The following ADAM10 variants were observed in gnomAD, a reference collection of about 807,000 sequenced individuals.
ADAM10 encodes the protein disintegrin and metalloproteinase domain-containing protein 10.
A neutral mutation model predicts 90.1 loss-of-function variants in ADAM10; 17 were observed. That is an observed-to-expected ratio of 0.19 (90% confidence interval 0.13 to 0.28). ADAM10 has a LOEUF of 0.28. ADAM10 is among the 10% of genes least tolerant of loss of function. ADAM10 has a pLI of 1.00. For missense variants in ADAM10, 610 were observed against 914.3 expected (o/e 0.67, Z 4.29); for synonymous variants, 310 against 298.6 (o/e 1.04, Z -0.40).
In ADAM10 at chr15:58,621,645, G is replaced by T. The variant is rs200597617; in HGVS notation, c.1361-24C>A. The T allele has an allele frequency of 1.7e-4, 269 of 1,612,894 alleles. 5 individuals are homozygous for T. The South Asian group carries it at 2.8e-3, about 17-fold the overall frequency. On this transcript the variant is annotated intron_variant, in intron 10 of 15. Transcript: ENST00000260408. ...TTCTGAGGAAAATAAACAAGACAAA[G>T]TAAGCATTGTGTGCACACATTAATT...
intron 8 of ADAM10, among the ~76,000 whole-genome samples, chr15:58,633,646 G>A (rs1896163345): frequency 6.6e-6 from 1 of 151,964 alleles, no homozygotes; most frequent in Non-Finnish European, 1.5e-5. Flanking sequence ...ATTAATTTAG[G>A]AAAACAAATA....
intron 2 of ADAM10, among the ~76,000 whole-genome samples, chr15:58,699,621 A>C (rs1342070627): frequency 6.6e-6 from 1 of 152,074 alleles, no homozygotes; most frequent in Non-Finnish European, 1.5e-5. Context: ...AAAAATTTTA[A>C]AAATTAGCCA....
chr15:58,661,651 C>T (rs1429584641), intron 5 of ADAM10, among the ~76,000 whole-genome samples: 1 of 152,002 alleles, frequency 6.6e-6, no homozygotes, highest in African/African-American at 2.4e-5. Flanking sequence ...TTATCCTGCA[C>T]GTGTTTCATT....
chr15:58,644,905 A>C (rs1163046713), intron 6 of ADAM10, among the ~76,000 whole-genome samples: 2 of 152,218 alleles, frequency 1.3e-5, no homozygotes, highest in African/African-American at 4.8e-5. Flanking sequence ...ACATACATTC[A>C]GATTTTGCTA....
At chr15:58,654,851 G>A (rs1199406832) in intron 5 of ADAM10, among the ~76,000 whole-genome samples, 4 of 152,200 alleles carry the variant, frequency 2.6e-5, no homozygotes, top group Non-Finnish European at 5.9e-5. Context: ...TGTAGTCAGA[G>A]AAGATACCTG....
chr15:58,654,602 C>T (rs1343517014), intron 5 of ADAM10, among the ~76,000 whole-genome samples: 1 of 152,198 alleles, frequency 6.6e-6, no homozygotes, highest in Non-Finnish European at 1.5e-5. Flanking sequence ...TGGTCTCAAA[C>T]TCCTGGGCTC....
rs1484154918 is a variant in ADAM10, at chr15:58,592,421, T to A, written c.*5126A>T. The stretch of plus-strand genomic sequence containing the variant: ...GAGTTTCAATCTCTTGCAGATATTA[T>A]CCTTGCTGATGCTAAAGTTATCTCA... On this transcript the variant is annotated 3_prime_UTR_variant, in exon 16 of 16. Coordinates refer to ENST00000260408, the MANE Select transcript of ADAM10 (RefSeq NM_001110.4). 3.3e-5 allele frequency: 5 copies of A among 152,224 alleles called. No individual in the cohort carries two copies. The highest frequency in any genetic ancestry group is 2.4e-5 in the African/African-American group (1 of 41,454). 9.4% of individuals were successfully genotyped at this position (152,224 alleles called of 1,614,324 possible).
intron 4 of ADAM10, among the ~76,000 whole-genome samples, chr15:58,667,759 C>CG (rs1168043251): frequency 1.4e-5 from 2 of 144,104 alleles, no homozygotes; most frequent in African/African-American, 5.1e-5. Flanking sequence ...AAAGGATAGG[C>CG]TTTTTTTTTT....
At chr15:58,743,971 G>A (rs927840926) in intron 1 of ADAM10, among the ~76,000 whole-genome samples, 1 of 152,088 alleles carries the variant, frequency 6.6e-6, no homozygotes, top group African/African-American at 2.4e-5. Context: ...ACATTTTAGA[G>A]TATGTTTAAT....
intron 11 of ADAM10, among the ~76,000 whole-genome samples, chr15:58,617,734 T>C (rs1325424785): frequency 1.3e-5 from 2 of 151,996 alleles, no homozygotes; most frequent in Non-Finnish European, 2.9e-5. Flanking sequence ...AAAATTAACA[T>C]TAAAAAACCA....
intron 2 of ADAM10, among the ~76,000 whole-genome samples, chr15:58,697,596 T>C (rs1298812951): frequency 6.6e-6 from 1 of 152,166 alleles, no homozygotes. Context: ...CCCAGCCCAT[T>C]GCAGCCACTG....
rs199963948 is a variant in ADAM10, at chr15:58,679,107, A to G, written c.484+17T>C. 177 of 1,610,628 alleles carry G rather than the reference A, an allele frequency of 1.1e-4. No individual in the cohort carries two copies. The highest frequency in any genetic ancestry group is 1.3e-4 in the Non-Finnish European group (157 of 1,178,084). ...TGCCTTTTGAAAAAGGCTACTTGAT[A>G]AAACTTAAGTACTTACTAATATCAT... On this transcript the variant is annotated intron_variant, in intron 4 of 15. Coordinates refer to ENST00000260408, the MANE Select transcript of ADAM10 (RefSeq NM_001110.4).
chr15:58,650,429 T>C lies in ADAM10; in HGVS notation c.586-4225A>G, dbSNP rs138144497. ...AGATGTGGTGTGAAACTTTAATCCCTGTGAAGAGAGACTGAACATTTTATA... is the reference window on the plus strand; with the variant it reads ...AGATGTGGTGTGAAACTTTAATCCCCGTGAAGAGAGACTGAACATTTTATA... On this transcript the variant is annotated intron_variant, in intron 5 of 15. Coordinates refer to ENST00000260408, the MANE Select transcript of ADAM10 (RefSeq NM_001110.4). Among the ~76,000 whole-genome samples the C allele has an allele frequency of 1.5e-3, 223 of 152,330 alleles. 1 individual carries two copies. Among genetic ancestry groups the C allele is most frequent in the African/African-American group, 5.0e-3 (206 of 41,590 alleles).
intron 1 of ADAM10, among the ~76,000 whole-genome samples, chr15:58,733,684 T>A (rs1899333026): frequency 6.6e-6 from 1 of 152,134 alleles, no homozygotes; most frequent in Non-Finnish European, 1.5e-5. Context: ...CATGAGCCCC[T>A]AAATTTTGCA....
rs1894781022 is a variant in ADAM10, at chr15:58,589,432, A to G, written c.*8115T>C. 6.6e-6 allele frequency: 1 copy of G among 152,200 alleles called. No individual in the cohort carries two copies. Among genetic ancestry groups the G allele is most frequent in the Non-Finnish European group, 1.5e-5 (1 of 68,084 alleles). The allele number at this position is 152,200 out of a possible 1,614,324, so 9.4% of individuals were successfully genotyped here. A position where few individuals can be genotyped will look rare whatever the true frequency, so the allele number is the denominator to read the frequency against. On this transcript the variant is annotated 3_prime_UTR_variant, in exon 16 of 16. Coordinates refer to ENST00000260408, the MANE Select transcript of ADAM10 (RefSeq NM_001110.4). ...GGAAGTCATCTTGGCTCTTCCCACT[A>G]CCTACCTACCATGCTCGATATGCAC...
At position 58,749,079 on chromosome 15, in the gene ADAM10, G is replaced by T. The variant is rs972003790; in HGVS notation, c.55+401C>A. 5.5e-5 allele frequency: 22 copies of T among 398,670 alleles called. No homozygotes were observed. In the Middle Eastern group the frequency reaches 3.8e-3, roughly 68 times the overall value. 24.7% of individuals were successfully genotyped at this position (398,670 alleles called of 1,614,324 possible). A position where few individuals can be genotyped will look rare whatever the true frequency, so the allele number is the denominator to read the frequency against. ...AGCAGGATGAGCGCTGAACGAGGACGGCGAGACCGCCAGCCTCGCTGCGGC... is the reference window on the plus strand; with the variant it reads ...AGCAGGATGAGCGCTGAACGAGGACTGCGAGACCGCCAGCCTCGCTGCGGC... On this transcript the variant is annotated intron_variant, in intron 1 of 15. Transcript: ENST00000260408.
chr15:58,608,290 T>C (rs1895333455), intron 14 of ADAM10, among the ~76,000 whole-genome samples: 1 of 152,162 alleles, frequency 6.6e-6, no homozygotes, highest in African/African-American at 2.4e-5. Context: ...GTAGTGAAAC[T>C]AACCCCTCAC....
intron 2 of ADAM10, chr15:58,692,130 T>TC (rs372303810): frequency 2.4e-5 from 12 of 509,726 alleles, no homozygotes; most frequent in South Asian, 1.6e-4. Flanking sequence ...CTGTCCATGA[T>TC]CCACACATGA....
rs866270021 is a variant in ADAM10 at position 58,720,540 on chromosome 15, T to G, written c.56-2813A>C. On this transcript the variant is annotated intron_variant, in intron 1 of 15. Transcript: ENST00000260408. ...CTCAGCCTCCCGAGTAACTGGAGAC[T>G]ACAGGCACCTGCCACCACGCCCGGC... 4.6e-5 allele frequency among the ~76,000 whole-genome samples: 7 copies of G among 151,928 alleles called. No homozygotes were observed. The Middle Eastern group carries it at 0.014, about 297-fold the overall frequency.
Sources: gnomAD v4.1 joint callset for allele counts (sites outside exome capture counted in the v4.1 genomes callset) on GRCh38, gnomAD v4.1.1 for gene constraint, MANE v1.5 for transcripts, NCBI Gene and HGNC (gene_info 2026-07-23, HGNC 2026-07-21) for gene names.